Variants in DENR observed in about 807,000 individuals in gnomAD.
The protein encoded by DENR is density-regulated protein.
Under a neutral mutation model 30.6 loss-of-function variants are expected in DENR, and 6 were observed. That is an observed-to-expected ratio of 0.20 (90% CI 0.11 to 0.39). DENR has a LOEUF of 0.39. DENR is among the 10% of genes least tolerant of loss of function. The pLI is 1.00. For missense variants in DENR, 141 were observed against 230.9 expected, an observed-to-expected ratio of 0.61 and a Z score of 2.52; for synonymous variants, 78 against 72.1, an observed-to-expected ratio of 1.08 and a Z score of -0.41.
At chr12:122,753,630 A>G (rs900308182) in intron 1 of DENR, 63 bp from the exon 2 acceptor site, 1 of 1,293,524 alleles carries the variant, frequency 7.7e-7, no homozygotes, top group African/African-American at 1.5e-5. Flanking sequence ...GTTGAGAGGA[A>G]CACTGCTCTT....
intron 6 of DENR, among the ~76,000 whole-genome samples, chr12:122,767,926 G>A (rs754140674): frequency 3.9e-5 from 6 of 152,170 alleles, no homozygotes; most frequent in Non-Finnish European, 8.8e-5. Context: ...GTGGCAAAAG[G>A]TTGCAAAATG....
intron 2 of DENR, among the ~76,000 whole-genome samples, 160 bp from the exon 3 acceptor site, chr12:122,762,026 CA>C (rs1452781041): frequency 1.3e-5 from 2 of 152,030 alleles, no homozygotes; most frequent in Non-Finnish European, 2.9e-5. Context: ...CCTTTTACCC[CA>C]AAAACACTGA....
In DENR at chr12:122,753,750, C is replaced by T. The variant is rs757045169; in HGVS notation, c.49C>T (p.Pro17Ser). The part of the protein sequence containing the change: ...ESSGADCKGD[P>S]RNSAKLDADY... ...CAGCGGGGCTGACTGCAAAGGAGAC[C>T]CAAGGAACAGTGCCAAGTTAGATGC... Residue 17 changes from proline (P) to serine (S), a missense_variant, in exon 2 of 8, where the codon CCA becomes TCA. Pro to Ser is a moderately conservative substitution (Grantham distance 74). Transcript: ENST00000280557. 47 of 1,613,944 alleles carry T rather than the reference C, an allele frequency of 2.9e-5. No individual in the cohort carries two copies. Among genetic ancestry groups the T allele is most frequent in the Non-Finnish European group, 3.8e-5 (45 of 1,179,892 alleles).
intron 2 of DENR, among the ~76,000 whole-genome samples, chr12:122,758,176 A>G (rs1047221590): frequency 6.6e-6 from 1 of 152,054 alleles, no homozygotes; most frequent in Non-Finnish European, 1.5e-5. Flanking sequence ...GGTTCAAGTG[A>G]TTCTCCTGGT....
chr12:122,767,615 G>A lies in DENR; in HGVS notation c.412+11G>A, dbSNP rs1878882216. Reference sequence around the variant, plus strand: ...GCCTTGCAACTTTTGGTGAGTTCAGGCTTAAGTATATTTAAAATGTGTGAA... The same window carrying A: ...GCCTTGCAACTTTTGGTGAGTTCAGACTTAAGTATATTTAAAATGTGTGAA... On this transcript the variant is annotated intron_variant, in intron 6 of 7. Transcript: ENST00000280557. 1.4e-6 allele frequency: 2 copies of A among 1,461,414 alleles called. No homozygotes were observed. Among genetic ancestry groups the A allele is most frequent in the East Asian group, 4.7e-5 (2 of 42,190 alleles). The allele number at this position is 1,461,414 out of a possible 1,614,324, so 90.5% of individuals were successfully genotyped here. A position where few individuals can be genotyped will look rare whatever the true frequency, so the allele number is the denominator to read the frequency against.
intron 2 of DENR, among the ~76,000 whole-genome samples, chr12:122,758,129 TG>T (rs1172615684): frequency 6.6e-6 from 1 of 152,230 alleles, no homozygotes; most frequent in Non-Finnish European, 1.5e-5. Context: ...TGGAGTGTAA[TG>T]GCGTGATCTC....
intron 2 of DENR, among the ~76,000 whole-genome samples, chr12:122,759,486 C>T (rs956688078): frequency 6.6e-5 from 10 of 152,042 alleles, no homozygotes; most frequent in African/African-American, 2.2e-4. Context: ...AGGCTGAGGC[C>T]AAGGCAGGCA....
chr12:122,762,757 TAAC>T, intron 3 of DENR, 85 bp from the exon 4 acceptor site: 1 of 878,950 alleles, frequency 1.1e-6, no homozygotes, highest in South Asian at 1.6e-5. Context: ...TTCTTTGTAT[TAAC>T]AAGTATAGGG....
chr12:122,763,000 G>C (rs1008246839), intron 4 of DENR, 71 bp downstream of exon 4: 1 of 855,530 alleles, frequency 1.2e-6, no homozygotes, highest in Non-Finnish European at 1.8e-6. Flanking sequence ...TTATTCTAAA[G>C]ATAGGAAAGT....
rs186058945 is a variant in DENR, at chr12:122,765,282, T to G, written c.212-22T>G. On this transcript the variant is annotated intron_variant, in intron 4 of 7. Coordinates refer to ENST00000280557, the MANE Select transcript of DENR (RefSeq NM_003677.5). Reference sequence around the variant, plus strand: ...CAGTGTGAGATGATGTTCATGCTTTTGTATTTCACTTTTATATCTAGAAAA... The same window carrying G: ...CAGTGTGAGATGATGTTCATGCTTTGGTATTTCACTTTTATATCTAGAAAA... 194 of 1,540,032 alleles carry G rather than the reference T, an allele frequency of 1.3e-4. 1 individual carries two copies. The East Asian group carries it at 3.3e-3, about 26-fold the overall frequency.
intron 5 of DENR, among the ~76,000 whole-genome samples, chr12:122,766,084 C>T (rs1878842078): frequency 6.6e-6 from 1 of 151,610 alleles, no homozygotes; most frequent in East Asian, 1.9e-4. Flanking sequence ...AAGCTCATGT[C>T]TTTCTTTACC....
chr12:122,753,706 C>A lies in DENR; in HGVS notation c.5C>A (p.Ala2Asp). Reference sequence around the variant, plus strand: ...CCTTGCTTACAGGTTTGTGAAATGGCTGCTGACATTTCTGAATCCAGCGGG... The same window carrying A: ...CCTTGCTTACAGGTTTGTGAAATGGATGCTGACATTTCTGAATCCAGCGGG... M[A>D]ADISESSGAD... Residue 2 changes from alanine to aspartate, a missense_variant, in exon 2 of 8, where the codon GCT becomes GAT. Physicochemically the swap from Ala to Asp is moderately radical, Grantham distance 126 (BLOSUM62 -2). Transcript: ENST00000280557. 6.2e-7 allele frequency: 1 copy of A among 1,613,848 alleles called. No individual in the cohort carries two copies. Among genetic ancestry groups the A allele is most frequent in the Non-Finnish European group, 8.5e-7 (1 of 1,179,762 alleles).
Position 122,768,856 on chromosome 12 carries a change from G to T in DENR, c.487G>T (p.Glu163Ter). 1 of 1,612,094 alleles carries T rather than the reference G, an allele frequency of 6.2e-7. No individual in the cohort carries two copies. The highest frequency in any genetic ancestry group is 1.1e-5 in the South Asian group (1 of 90,544). Residue 163 changes from glutamate to a stop codon, truncating the protein, a stop_gained, in exon 7 of 8, where the codon GAA (glutamate) becomes TAA (stop). Transcript: ENST00000280557. LOFTEE classifies it high-confidence loss of function. ...TGGTGCCTCAGTAACAGGGGAGGAT[G>T]AAATTATCATTCAGGGAGATTTTAC... ...SCGASVTGED[E>*]IIIQGDFTDD...
chr12:122,766,366 G>C, intron 5 of DENR, among the ~76,000 whole-genome samples: 1 of 152,172 alleles, frequency 6.6e-6, no homozygotes, highest in East Asian at 1.9e-4. Context: ...GCGGACTTCT[G>C]TTCCTTCTGC....
chr12:122,754,682 C>T (rs1250222467), intron 2 of DENR, among the ~76,000 whole-genome samples: 1 of 152,130 alleles, frequency 6.6e-6, no homozygotes, highest in African/African-American at 2.4e-5. Context: ...TATCTTTTTG[C>T]CATTAAAAGT....
chr12:122,769,470 A>C lies in DENR; in HGVS notation c.*392A>C. 1.0e-6 allele frequency: 1 copy of C among 986,734 alleles called. No individual in the cohort carries two copies. The highest frequency in any genetic ancestry group is 1.2e-6 in the Non-Finnish European group (1 of 830,894). The allele number at this position is 986,734 out of a possible 1,614,324, so 61.1% of individuals were successfully genotyped here. A position where few individuals can be genotyped will look rare whatever the true frequency, so the allele number is the denominator to read the frequency against. ...ATGAATAGAATTTAGTCAAATAAAA[A>C]ATTTTGGTCATTTGGTACTGACTTT... On this transcript the variant is annotated 3_prime_UTR_variant, in exon 8 of 8. Coordinates refer to ENST00000280557, the MANE Select transcript of DENR (RefSeq NM_003677.5).
At position 122,770,479 on chromosome 12, in the gene DENR, C is replaced by T. The variant is rs1040981654; in HGVS notation, c.*1401C>T. 1.3e-5 allele frequency: 5 copies of T among 396,638 alleles called. No individual in the cohort carries two copies. Among genetic ancestry groups the T allele is most frequent in the African/African-American group, 1.0e-4 (5 of 48,552 alleles). The allele number at this position is 396,638 out of a possible 1,614,324, so 24.6% of individuals were successfully genotyped here. On this transcript the variant is annotated 3_prime_UTR_variant, in exon 8 of 8. Transcript: ENST00000280557. The stretch of plus-strand genomic sequence containing the variant: ...GAGAGGCTAGAGGTTCTTATTCTGG[C>T]TATAAATTATGTGAGTAAAATTGTG...
rs1001540537 is a variant in DENR, at chr12:122,769,311, T to TAC, written c.*234_*235insCA. On this transcript the variant is annotated 3_prime_UTR_variant, in exon 8 of 8. Transcript: ENST00000280557. ...ACATATATGTATACATATATACACA[T>TAC]ATGTATACATATATATATATTCTAC... The TAC allele has an allele frequency of 3.2e-6, 3 of 927,840 alleles. No individual in the cohort carries two copies. Among genetic ancestry groups the TAC allele is most frequent in the Admixed American group, 5.9e-5 (1 of 17,052 alleles). The allele number at this position is 927,840 out of a possible 1,614,324, so 57.5% of individuals were successfully genotyped here.
chr12:122,764,122 T>G (rs1878780066), intron 4 of DENR, among the ~76,000 whole-genome samples: 1 of 152,194 alleles, frequency 6.6e-6, no homozygotes, highest in African/African-American at 2.4e-5. Flanking sequence ...CCTTTGTGTC[T>G]GGAGCTTATT....
Sources: gnomAD v4.1 joint callset for allele counts (sites outside exome capture counted in the v4.1 genomes callset) on GRCh38, gnomAD v4.1.1 for gene constraint, MANE v1.5 for transcripts, NCBI Gene and HGNC (gene_info 2026-07-23, HGNC 2026-07-21) for gene names.